Variants in FUT9 observed in about 807,000 individuals in gnomAD.
The protein encoded by FUT9 is fucosyltransferase 9.
Under a neutral mutation model 29.7 loss-of-function variants are expected in FUT9, and 15 were observed. The ratio of observed to expected loss-of-function variants is 0.51; its 90% CI spans 0.34 to 0.78. FUT9 has a LOEUF of 0.78. Among genes scored for constraint, FUT9 ranks in the 30% least tolerant of loss-of-function variants. The probability of loss-of-function intolerance (pLI) is 0.01; values close to 1 mark genes in which losing one functional copy is unlikely to be tolerated. For missense variants in FUT9, 319 were observed against 425.4 expected (o/e 0.75, Z 2.20); for synonymous variants, 169 against 153.7 (o/e 1.10, Z -0.74).
In FUT9 at chr6:96,208,816, T is replaced by A. The variant is rs1199420568; in HGVS notation, c.*4581T>A. 6.0e-6 allele frequency: 1 copy of A among 166,734 alleles called. No individual in the cohort carries two copies. The highest frequency in any genetic ancestry group is 1.5e-5 in the Non-Finnish European group (1 of 67,994). 10.3% of individuals were successfully genotyped at this position (166,734 alleles called of 1,614,324 possible). On this transcript the variant is annotated 3_prime_UTR_variant, in exon 3 of 3. Coordinates refer to ENST00000302103, the MANE Select transcript of FUT9 (RefSeq NM_006581.4). ...AAGTGCGAGCACTGTGAAGGGCAGA[T>A]ATCTATTACCAAACCACATGGAGAG... is the stretch of plus-strand genomic sequence containing the variant.
chr6:96,154,318 T>G (rs528995192), intron 2 of FUT9, among the ~76,000 whole-genome samples: 1 of 152,330 alleles, frequency 6.6e-6, no homozygotes, highest in South Asian at 2.1e-4. Flanking sequence ...CCTTTAGTCA[T>G]TTATATAGTC....
At chr6:96,032,535 A>G (rs9498736) in intron 1 of FUT9, among the ~76,000 whole-genome samples, 66,377 of 151,360 alleles carry the variant, frequency 0.44, 14,611 homozygotes, top group Non-Finnish European at 0.46. Flanking sequence ...GAGTAACTCT[A>G]GAGTACATTA....
rs1017636398 is a variant in FUT9 at position 96,214,964 on chromosome 6, T to C, written c.*10729T>C. On this transcript the variant is annotated 3_prime_UTR_variant, in exon 3 of 3. Transcript: ENST00000302103. Reference sequence around the variant, plus strand: ...CATGCAGCTGAGTCCTGCTGCATCCTGGGAGCAAAGCATTAATTCAAATGA... The same window carrying C: ...CATGCAGCTGAGTCCTGCTGCATCCCGGGAGCAAAGCATTAATTCAAATGA... 1.8e-5 allele frequency: 3 copies of C among 167,042 alleles called. No individual in the cohort carries two copies. Among genetic ancestry groups the C allele is most frequent in the Admixed American group, 1.3e-4 (2 of 15,266 alleles). The allele number at this position is 167,042 out of a possible 1,614,324, so 10.3% of individuals were successfully genotyped here. A position where few individuals can be genotyped will look rare whatever the true frequency, so the allele number is the denominator to read the frequency against.
At chr6:96,096,529 C>T (rs962190621) in intron 1 of FUT9, among the ~76,000 whole-genome samples, 5 of 151,992 alleles carry the variant, frequency 3.3e-5, no homozygotes, top group African/African-American at 7.2e-5. Context: ...CCCATCACTC[C>T]CTTAATCTAT....
intron 1 of FUT9, among the ~76,000 whole-genome samples, chr6:96,069,213 G>A (rs905109070): frequency 2.0e-5 from 3 of 152,010 alleles, no homozygotes; most frequent in Non-Finnish European, 2.9e-5. Flanking sequence ...TACTCGGGAG[G>A]CACAGGCAGG....
At chr6:96,060,541 CTCTT>C (rs769667214) in intron 1 of FUT9, among the ~76,000 whole-genome samples, 1 of 149,004 alleles carries the variant, frequency 6.7e-6, no homozygotes. Context: ...TTTTCTCTCT[CTCTT>C]TTTTTTTTTG....
At chr6:96,028,529 G>C (rs1770206883) in intron 1 of FUT9, among the ~76,000 whole-genome samples, 1 of 151,456 alleles carries the variant, frequency 6.6e-6, no homozygotes, top group Non-Finnish European at 1.5e-5. Context: ...TAATTATTTT[G>C]AATATGGAAT....
At chr6:96,057,928 A>G (rs1472251025) in intron 1 of FUT9, among the ~76,000 whole-genome samples, 1 of 152,196 alleles carries the variant, frequency 6.6e-6, no homozygotes, top group Non-Finnish European at 1.5e-5. Flanking sequence ...TCCGTCATCA[A>G]GTTGTAATTC....
At chr6:96,148,094 T>C (rs2127975711) in intron 2 of FUT9, among the ~76,000 whole-genome samples, 1 of 152,158 alleles carries the variant, frequency 6.6e-6, no homozygotes, top group African/African-American at 2.4e-5. Context: ...TGAAGTCCAG[T>C]CCTTCCTTAA....
chr6:96,094,729 A>G (rs760837458), intron 1 of FUT9, among the ~76,000 whole-genome samples: 1 of 152,108 alleles, frequency 6.6e-6, no homozygotes, highest in Non-Finnish European at 1.5e-5. Flanking sequence ...AACATACCTG[A>G]ATAGGGAAGC....
intron 2 of FUT9, among the ~76,000 whole-genome samples, chr6:96,180,639 C>T (rs1773289005): frequency 6.6e-6 from 1 of 152,154 alleles, no homozygotes; most frequent in South Asian, 2.1e-4. Flanking sequence ...ACTCTCCTAC[C>T]TCTAGTAACC....
intron 2 of FUT9, among the ~76,000 whole-genome samples, chr6:96,120,099 T>G (rs924920771): frequency 6.6e-6 from 1 of 152,120 alleles, no homozygotes; most frequent in Non-Finnish European, 1.5e-5. Flanking sequence ...ATTTGAATTT[T>G]CTACCATATT....
chr6:96,197,996 C>A (rs1314141196), intron 2 of FUT9, among the ~76,000 whole-genome samples: 1 of 152,188 alleles, frequency 6.6e-6, no homozygotes, highest in African/African-American at 2.4e-5. Flanking sequence ...CTTAGTTACA[C>A]ATTTTTCTCC....
intron 2 of FUT9, among the ~76,000 whole-genome samples, chr6:96,176,448 C>T (rs1582286776): frequency 6.6e-6 from 1 of 152,182 alleles, no homozygotes; most frequent in Non-Finnish European, 1.5e-5. Flanking sequence ...TCAACTCTGT[C>T]ATTGTAGCAC....
intron 1 of FUT9, among the ~76,000 whole-genome samples, chr6:96,075,196 T>C (rs1166878145): frequency 1.3e-5 from 2 of 152,150 alleles, no homozygotes; most frequent in African/African-American, 2.4e-5. Context: ...AAAGCTACTA[T>C]AGCACATAAA....
chr6:96,142,941 T>C, intron 2 of FUT9, among the ~76,000 whole-genome samples: 1 of 152,276 alleles, frequency 6.6e-6, no homozygotes, highest in African/African-American at 2.4e-5. Flanking sequence ...TTAAAAACTA[T>C]TTTTATGTAG....
intron 2 of FUT9, among the ~76,000 whole-genome samples, chr6:96,121,076 A>G (rs1772019203): frequency 6.6e-6 from 1 of 152,222 alleles, no homozygotes; most frequent in Non-Finnish European, 1.5e-5. Context: ...TTGAGGATAC[A>G]GTATTTTTAC....
intron 2 of FUT9, among the ~76,000 whole-genome samples, chr6:96,199,272 G>C (rs933654707): frequency 6.6e-6 from 1 of 152,090 alleles, no homozygotes; most frequent in Non-Finnish European, 1.5e-5. Flanking sequence ...TTAGTCATGA[G>C]GAATAGGTGA....
At chr6:96,024,543 C>T (rs938482651) in intron 1 of FUT9, among the ~76,000 whole-genome samples, 1 of 151,670 alleles carries the variant, frequency 6.6e-6, no homozygotes, top group Admixed American at 6.6e-5. Context: ...ACTCAGTAGC[C>T]ACAGATACAT....
Sources: allele counts gnomAD v4.1 joint callset (sites outside exome capture counted in the v4.1 genomes callset), GRCh38; gene constraint gnomAD v4.1.1; transcripts MANE v1.5; gene names NCBI Gene and HGNC (gene_info 2026-07-23, HGNC 2026-07-21).